The following TANC1 variants were observed in gnomAD, a reference collection of about 807,000 sequenced individuals.
The protein encoded by TANC1 is protein TANC1.
Under a neutral mutation model 149.7 loss-of-function variants are expected in TANC1, and 77 were observed. That is an observed-to-expected ratio of 0.51 (90% CI 0.43 to 0.62). The LOEUF is 0.62. Among genes scored for constraint, TANC1 ranks in the 20% least tolerant of loss-of-function variants. The pLI is 0.00. For synonymous variants in TANC1, 854 were observed against 925.0 expected, an observed-to-expected ratio of 0.92 and a Z score of 1.39; for missense variants, 1,985 against 2,321.8, an observed-to-expected ratio of 0.85 and a Z score of 2.98.
At chr2:159,150,819 T>A (rs1290129963) in intron 7 of TANC1, 2 of 390,100 alleles carry the variant, frequency 5.1e-6, no homozygotes, top group African/African-American at 2.1e-5. Context: ...ATCTGGCCTG[T>A]GAAACAAAAA....
At chr2:159,131,627 TTCTC>T (rs2050117453) in intron 4 of TANC1, among the ~76,000 whole-genome samples, 1 of 152,064 alleles carries the variant, frequency 6.6e-6, no homozygotes, top group South Asian at 2.1e-4. Context: ...CAGTGGCTCT[TTCTC>T]CTTTCCCCAC....
At chr2:159,219,972 CAG>C (rs199599678) in intron 22 of TANC1, 105 bp downstream of exon 22, 40,946 of 762,574 alleles carry the variant, frequency 0.054, 4,440 homozygotes, top group Admixed American at 0.11. Context: ...TCAGTGTCAT[CAG>C]AGAGTGTGTG....
chr2:158,991,944 C>T (rs1361029446), intron 1 of TANC1, among the ~76,000 whole-genome samples: 2 of 152,118 alleles, frequency 1.3e-5, no homozygotes, highest in Non-Finnish European at 2.9e-5. Context: ...TTTCACCTTT[C>T]ACATACATTA....
intron 1 of TANC1, among the ~76,000 whole-genome samples, chr2:158,997,906 T>C (rs1400672172): frequency 1.3e-5 from 2 of 152,090 alleles, no homozygotes; most frequent in East Asian, 1.9e-4. Context: ...AGACAGAGTA[T>C]GGAAAGGTGG....
intron 12 of TANC1, among the ~76,000 whole-genome samples, chr2:159,175,722 G>A (rs1414616253): frequency 6.6e-6 from 1 of 152,188 alleles, no homozygotes. Context: ...TTTTGAGCTT[G>A]TTTACTTGCC....
At chr2:158,969,873 G>T (rs917011708) in intron 1 of TANC1, among the ~76,000 whole-genome samples, 2 of 152,164 alleles carry the variant, frequency 1.3e-5, no homozygotes, top group Non-Finnish European at 1.5e-5. Flanking sequence ...CCAGTGTTGG[G>T]ACCGTTCTCA....
chr2:158,969,720 C>G (rs938989862), intron 1 of TANC1, among the ~76,000 whole-genome samples: 10 of 152,234 alleles, frequency 6.6e-5, no homozygotes, highest in African/African-American at 2.4e-4. Flanking sequence ...TCAAAACTTA[C>G]TGGACTTATT....
intron 4 of TANC1, among the ~76,000 whole-genome samples, chr2:159,134,628 G>A (rs994746270): frequency 6.6e-6 from 1 of 152,056 alleles, no homozygotes; most frequent in Non-Finnish European, 1.5e-5. Flanking sequence ...GATTACAGGC[G>A]CCCACTACCG....
intron 3 of TANC1, among the ~76,000 whole-genome samples, chr2:159,084,420 G>T (rs554607215): frequency 6.6e-6 from 1 of 152,188 alleles, no homozygotes; most frequent in South Asian, 2.1e-4. Flanking sequence ...GTTTTTGTGG[G>T]GAAGAAACTT....
chr2:159,204,304 G>A (rs897448484), intron 19 of TANC1, among the ~76,000 whole-genome samples: 1 of 152,208 alleles, frequency 6.6e-6, no homozygotes, highest in African/African-American at 2.4e-5. Flanking sequence ...CACTCATAAA[G>A]ACCCAGTGTC....
Position 159,065,991 on chromosome 2 carries a change from A to C in TANC1, c.61+20A>C, listed in dbSNP as rs2149694489. The C allele has an allele frequency of 3.8e-6, 6 of 1,597,046 alleles. No individual in the cohort carries two copies. Among genetic ancestry groups the C allele is most frequent in the East Asian group, 4.5e-5 (2 of 44,812 alleles). ...AAGCAGGTATGTGTGCAAGAATGAG[A>C]AGCTCAGCCATGGACAGCGGGCAGC... On this transcript the variant is annotated intron_variant, in intron 3 of 26. Coordinates refer to ENST00000263635, the MANE Select transcript of TANC1 (RefSeq NM_033394.3).
chr2:159,184,230 A>G (rs2056765410), intron 14 of TANC1, among the ~76,000 whole-genome samples: 1 of 152,270 alleles, frequency 6.6e-6, no homozygotes, highest in African/African-American at 2.4e-5. Context: ...GCATAGAGTA[A>G]GAGCTTGATA....
At chr2:159,095,586 A>C (rs68036022) in intron 3 of TANC1, among the ~76,000 whole-genome samples, 1 of 151,856 alleles carries the variant, frequency 6.6e-6, no homozygotes, top group Admixed American at 6.5e-5. Context: ...AAATACAAAG[A>C]TTAGCCGGGT....
intron 11 of TANC1, 104 bp downstream of exon 11, chr2:159,172,376 T>A: frequency 9.8e-7 from 1 of 1,024,844 alleles, no homozygotes; most frequent in Non-Finnish European, 1.4e-6. Context: ...GACAACTGCT[T>A]AATGATAAAG....
intron 7 of TANC1, among the ~76,000 whole-genome samples, chr2:159,153,906 C>T (rs1228194542): frequency 6.6e-6 from 1 of 152,022 alleles, no homozygotes; most frequent in African/African-American, 2.4e-5. Context: ...GCACCATGAC[C>T]CTAGTTGGGC....
At chr2:159,205,074 G>T (rs2058510838) in intron 19 of TANC1, among the ~76,000 whole-genome samples, 2 of 152,234 alleles carry the variant, frequency 1.3e-5, no homozygotes, top group South Asian at 4.1e-4. Flanking sequence ...TGGGGGTGGG[G>T]TCCTCACACC....
chr2:159,051,932 TCA>T (rs1426651806), intron 2 of TANC1, among the ~76,000 whole-genome samples: 1 of 152,074 alleles, frequency 6.6e-6, no homozygotes, highest in African/African-American at 2.4e-5. Flanking sequence ...TGGCAATGGC[TCA>T]GTTTAAGTCC....
chr2:159,097,956 T>C (rs2046302958), intron 4 of TANC1, 122 bp downstream of exon 4: 6 of 798,360 alleles, frequency 7.5e-6, no homozygotes, highest in Non-Finnish European at 1.2e-5. Flanking sequence ...CAGTATCTTC[T>C]AGAAGAAATA....
chr2:159,101,914 A>C (rs7585857), intron 4 of TANC1, among the ~76,000 whole-genome samples: 45,198 of 152,072 alleles, frequency 0.3, 6,876 homozygotes, highest in South Asian at 0.41. Flanking sequence ...CCTTGTATGG[A>C]GACACTGGAG....
Sources: allele counts gnomAD v4.1 joint callset (sites outside exome capture counted in the v4.1 genomes callset), GRCh38; gene constraint gnomAD v4.1.1; transcripts MANE v1.5; gene names NCBI Gene and HGNC (gene_info 2026-07-23, HGNC 2026-07-21).